Variants in EPHA3 observed in about 807,000 individuals in gnomAD.
EPHA3 encodes EPH receptor A3.
EPHA3 carries 42 observed loss-of-function variants against 107.1 expected under a neutral mutation model. The ratio of observed to expected loss-of-function variants is 0.39; its 90% CI spans 0.31 to 0.51. The LOEUF (loss-of-function observed/expected upper bound fraction) is 0.51, where lower values mean the gene tolerates loss of function less well. Ranked by LOEUF, EPHA3 falls within the 20% of genes least tolerant of loss-of-function variation. The probability of loss-of-function intolerance (pLI) is 0.78; values close to 1 mark genes in which losing one functional copy is unlikely to be tolerated. For synonymous variants in EPHA3, 461 were observed against 424.8 expected (o/e 1.09, Z -1.05); for missense variants, 1,183 against 1,211.2 (o/e 0.98, Z 0.35).
At chr3:89,298,224 C>G (rs1706406413) in intron 3 of EPHA3, among the ~76,000 whole-genome samples, 1 of 152,096 alleles carries the variant, frequency 6.6e-6, no homozygotes, top group African/African-American at 2.4e-5. Context: ...GGTTGATTGG[C>G]ACTCTGCTAA....
intron 1 of EPHA3, among the ~76,000 whole-genome samples, 197 bp from the exon 2 acceptor site, chr3:89,127,012 C>T (rs1704110139): frequency 6.6e-6 from 1 of 151,824 alleles, no homozygotes; most frequent in African/African-American, 2.4e-5. Context: ...TAAAAGGACA[C>T]AGAAACTTTT....
chr3:89,149,271 G>A (rs1398224519), intron 2 of EPHA3, among the ~76,000 whole-genome samples: 21 of 151,802 alleles, frequency 1.4e-4, no homozygotes, highest in Admixed American at 1.2e-3. Flanking sequence ...TTACTGAAGC[G>A]GTACCAGACA....
chr3:89,413,356 G>A (rs964481694), intron 10 of EPHA3, 90 bp downstream of exon 10: 42 of 1,498,036 alleles, frequency 2.8e-5, no homozygotes, highest in Admixed American at 1.1e-4. Context: ...CTAAAGAAAT[G>A]GGAATTTTCT....
At chr3:89,229,945 G>C (rs1485777702) in intron 3 of EPHA3, among the ~76,000 whole-genome samples, 1 of 151,634 alleles carries the variant, frequency 6.6e-6, no homozygotes, top group African/African-American at 2.4e-5. Context: ...GTCAATTTTA[G>C]AATATGTTAG....
At chr3:89,324,495 T>A (rs986842328) in intron 3 of EPHA3, among the ~76,000 whole-genome samples, 4 of 151,634 alleles carry the variant, frequency 2.6e-5, no homozygotes, top group African/African-American at 9.7e-5. Flanking sequence ...CTAGTTTATT[T>A]TTTTATTTTT....
rs927924249 is a variant in EPHA3, at chr3:89,449,751, C to CA, written c.2496+385dup. On this transcript the variant is annotated intron_variant, in intron 14 of 16. Coordinates refer to ENST00000336596, the MANE Select transcript of EPHA3 (RefSeq NM_005233.6). ...TAATTTTACAGCACTTAGGATTTTA[C>CA]AAAAAAAATTACTATAATTTGGAAG... Among the ~76,000 whole-genome samples the CA allele has an allele frequency of 9.2e-5, 14 of 151,716 alleles. No homozygotes were observed. In the South Asian group the frequency reaches 1.9e-3, roughly 20 times the overall value.
intron 2 of EPHA3, among the ~76,000 whole-genome samples, chr3:89,129,803 T>C (rs2106981956): frequency 6.6e-6 from 1 of 152,162 alleles, no homozygotes; most frequent in African/African-American, 2.4e-5. Flanking sequence ...AAATAGATAC[T>C]TATAACAATT....
intron 2 of EPHA3, among the ~76,000 whole-genome samples, chr3:89,198,159 T>A (rs1654430327): frequency 6.6e-6 from 1 of 152,100 alleles, no homozygotes; most frequent in South Asian, 2.1e-4. Flanking sequence ...AGACAAACTT[T>A]GAATTTAAAA....
At chr3:89,351,148 G>C (rs1351940382) in intron 5 of EPHA3, among the ~76,000 whole-genome samples, 1 of 151,308 alleles carries the variant, frequency 6.6e-6, no homozygotes, top group Admixed American at 6.6e-5. Flanking sequence ...GCTCCACCCA[G>C]TTCGAGCTTC....
chr3:89,358,782 C>A (rs1245551461), intron 5 of EPHA3, among the ~76,000 whole-genome samples: 1 of 151,100 alleles, frequency 6.6e-6, no homozygotes, highest in African/African-American at 2.4e-5. Flanking sequence ...CTAAAAAACT[C>A]GCATGCTGTC....
At chr3:89,401,899 G>T (rs1034030566) in intron 7 of EPHA3, among the ~76,000 whole-genome samples, 23 of 152,070 alleles carry the variant, frequency 1.5e-4, no homozygotes, top group African/African-American at 5.6e-4. Flanking sequence ...ATGAATATTT[G>T]AAATAACAGC....
At chr3:89,324,042 T>C (rs1331475250) in intron 3 of EPHA3, among the ~76,000 whole-genome samples, 2 of 151,966 alleles carry the variant, frequency 1.3e-5, no homozygotes, top group African/African-American at 4.8e-5. Flanking sequence ...GCTAACTCAA[T>C]GTAACACATC....
At chr3:89,400,845 A>G (rs1445631064) in intron 7 of EPHA3, among the ~76,000 whole-genome samples, 1 of 152,198 alleles carries the variant, frequency 6.6e-6, no homozygotes, top group African/African-American at 2.4e-5. Flanking sequence ...TCAGTTTTCT[A>G]CAACTTAAAT....
chr3:89,355,258 G>A (rs1474596111), intron 5 of EPHA3, among the ~76,000 whole-genome samples: 1 of 151,118 alleles, frequency 6.6e-6, no homozygotes, highest in Non-Finnish European at 1.5e-5. Context: ...CTCCAATTGG[G>A]CCTCAGAGTA....
At chr3:89,438,401 G>A (rs1346796255) in intron 13 of EPHA3, among the ~76,000 whole-genome samples, 2 of 152,064 alleles carry the variant, frequency 1.3e-5, no homozygotes, top group Non-Finnish European at 2.9e-5. Context: ...GTGAGCCACC[G>A]TGCCTGGCCT....
At chr3:89,193,533 C>A (rs1451310075) in intron 2 of EPHA3, among the ~76,000 whole-genome samples, 59 of 151,752 alleles carry the variant, frequency 3.9e-4, no homozygotes, top group Non-Finnish European at 4.4e-5. Flanking sequence ...AGGATAGCTA[C>A]CGTTAACAAT....
At chr3:89,382,027 T>A (rs932778707) in intron 5 of EPHA3, among the ~76,000 whole-genome samples, 2 of 152,150 alleles carry the variant, frequency 1.3e-5, no homozygotes, top group African/African-American at 2.4e-5. Context: ...ACAGCAAGAT[T>A]GTATACATGC....
intron 3 of EPHA3, among the ~76,000 whole-genome samples, chr3:89,299,169 A>G (rs1481832699): frequency 6.6e-6 from 1 of 152,110 alleles, no homozygotes; most frequent in Non-Finnish European, 1.5e-5. Context: ...ATTCATTTGT[A>G]ATAAGATGGT....
At chr3:89,290,395 T>C (rs1468292301) in intron 3 of EPHA3, among the ~76,000 whole-genome samples, 6 of 152,128 alleles carry the variant, frequency 3.9e-5, no homozygotes, top group Non-Finnish European at 1.5e-5. Flanking sequence ...TCATCAGAAT[T>C]GTGTGGGGAG....
Sources: gnomAD v4.1 joint callset for allele counts (sites outside exome capture counted in the v4.1 genomes callset) on GRCh38, gnomAD v4.1.1 for gene constraint, MANE v1.5 for transcripts, NCBI Gene and HGNC (gene_info 2026-07-23, HGNC 2026-07-21) for gene names.